VSNL1: variants seen among roughly 807,000 people sequenced by gnomAD.
VSNL1 encodes visinin like 1, also known as visinin-like protein 1.
A neutral mutation model predicts 20.4 loss-of-function variants in VSNL1; 6 were observed. The ratio of observed to expected loss-of-function variants is 0.29; its 90% CI spans 0.16 to 0.58. VSNL1 has a LOEUF of 0.58. Among genes scored for constraint, VSNL1 ranks in the 20% least tolerant of loss-of-function variants. VSNL1 has a pLI of 0.90. For synonymous variants in VSNL1, 93 were observed against 86.4 expected, an observed-to-expected ratio of 1.08 and a Z score of -0.42; for missense variants, 100 against 234.5, an observed-to-expected ratio of 0.43 and a Z score of 3.75.
At chr2:17,629,838 C>T (rs2103410796) in intron 2 of VSNL1, among the ~76,000 whole-genome samples, 1 of 152,338 alleles carries the variant, frequency 6.6e-6, no homozygotes. Flanking sequence ...AATGAAACAG[C>T]TCTCAGCTGA....
chr2:17,580,953 A>G (rs1232528041), intron 1 of VSNL1, among the ~76,000 whole-genome samples: 2 of 152,240 alleles, frequency 1.3e-5, no homozygotes, highest in Non-Finnish European at 2.9e-5. Context: ...TACCACCAGC[A>G]GTTATAATCA....
intron 2 of VSNL1, among the ~76,000 whole-genome samples, chr2:17,625,130 C>T (rs906253965): frequency 3.3e-5 from 5 of 152,206 alleles, no homozygotes; most frequent in African/African-American, 9.6e-5. Flanking sequence ...CTTCCTCATT[C>T]TCTCTTTGCC....
At chr2:17,572,974 C>T (rs1664116513) in intron 1 of VSNL1, among the ~76,000 whole-genome samples, 1 of 152,178 alleles carries the variant, frequency 6.6e-6, no homozygotes, top group African/African-American at 2.4e-5. Flanking sequence ...TTCATCTATT[C>T]AACTGTTAAA....
chr2:17,640,741 A>G (rs1200432954), intron 2 of VSNL1, among the ~76,000 whole-genome samples: 2 of 152,188 alleles, frequency 1.3e-5, no homozygotes, highest in Non-Finnish European at 2.9e-5. Context: ...TTTGTGGGAT[A>G]CAGATGATAT....
chr2:17,543,828 T>TG (rs1177911990), intron 1 of VSNL1, among the ~76,000 whole-genome samples: 3 of 152,242 alleles, frequency 2.0e-5, no homozygotes, highest in Non-Finnish European at 2.9e-5. Context: ...ACCTTCCTCC[T>TG]GTTTTTTCTC....
chr2:17,605,292 C>A (rs62132140), intron 2 of VSNL1, among the ~76,000 whole-genome samples: 8,146 of 152,282 alleles, frequency 0.053, 254 homozygotes, highest in East Asian at 0.091. Context: ...GGGGACTATG[C>A]CCCCTTGGTG....
intron 2 of VSNL1, among the ~76,000 whole-genome samples, chr2:17,623,161 CA>C (rs1665425784): frequency 6.6e-6 from 1 of 151,872 alleles, no homozygotes; most frequent in South Asian, 2.1e-4. Context: ...ATAATTATAT[CA>C]ATATCTTAAA....
At chr2:17,559,901 C>T (rs1029301931) in intron 1 of VSNL1, among the ~76,000 whole-genome samples, 1 of 151,876 alleles carries the variant, frequency 6.6e-6, no homozygotes, top group East Asian at 1.9e-4. Context: ...ATTAAACTGA[C>T]ATCTTTTGCT....
intron 2 of VSNL1, among the ~76,000 whole-genome samples, chr2:17,603,693 G>T (rs1464146191): frequency 1.3e-5 from 2 of 152,186 alleles, no homozygotes; most frequent in Non-Finnish European, 2.9e-5. Flanking sequence ...TATACAAGGC[G>T]ATCAGATGGT....
At chr2:17,653,564 T>A (rs1558313661) in intron 3 of VSNL1, among the ~76,000 whole-genome samples, 1 of 152,250 alleles carries the variant, frequency 6.6e-6, no homozygotes, top group Non-Finnish European at 1.5e-5. Flanking sequence ...TCGGAAAGTC[T>A]GCCTCTTTTA....
At chr2:17,632,106 C>T (rs1052835085) in intron 2 of VSNL1, among the ~76,000 whole-genome samples, 2 of 152,056 alleles carry the variant, frequency 1.3e-5, no homozygotes, top group Non-Finnish European at 2.9e-5. Context: ...AGGCTGGTCT[C>T]GAACTCCTCA....
chr2:17,621,760 T>G (rs1665365800), intron 2 of VSNL1, among the ~76,000 whole-genome samples: 1 of 152,222 alleles, frequency 6.6e-6, no homozygotes, highest in Non-Finnish European at 1.5e-5. Context: ...TCTGGGTAGC[T>G]GGGATTATAG....
intron 2 of VSNL1, among the ~76,000 whole-genome samples, chr2:17,602,009 CA>C (rs894141153): frequency 1.5e-4 from 23 of 152,182 alleles, no homozygotes; most frequent in African/African-American, 5.3e-4. Flanking sequence ...CATGCAAAAT[CA>C]TGTCTGGATT....
chr2:17,558,907 T>C (rs1350719868), intron 1 of VSNL1, among the ~76,000 whole-genome samples: 2 of 152,130 alleles, frequency 1.3e-5, no homozygotes, highest in African/African-American at 2.4e-5. Flanking sequence ...TGATCCCAGA[T>C]AACAATGGCT....
chr2:17,596,395 C>T (rs1301856814), intron 2 of VSNL1, among the ~76,000 whole-genome samples: 1 of 152,216 alleles, frequency 6.6e-6, no homozygotes, highest in Non-Finnish European at 1.5e-5. Context: ...ATTTTGATTG[C>T]CAATCCATCA....
chr2:17,600,192 A>G (rs1373664401), intron 2 of VSNL1, among the ~76,000 whole-genome samples: 4 of 152,234 alleles, frequency 2.6e-5, no homozygotes, highest in African/African-American at 9.6e-5. Flanking sequence ...AATATGGGAA[A>G]GTCCTTTATG....
chr2:17,638,340 TAGTA>T (rs1344343757), intron 2 of VSNL1, among the ~76,000 whole-genome samples: 1 of 152,236 alleles, frequency 6.6e-6, no homozygotes, highest in Non-Finnish European at 1.5e-5. Context: ...GCCTGACACA[TAGTA>T]AGTGTTACAA....
At chr2:17,564,696 AT>A (rs1210410743) in intron 1 of VSNL1, among the ~76,000 whole-genome samples, 2 of 152,154 alleles carry the variant, frequency 1.3e-5, no homozygotes, top group Non-Finnish European at 2.9e-5. Flanking sequence ...TTATAAAATT[AT>A]TTTTTAAAAC....
chr2:17,593,958 A>C (rs756811902), intron 2 of VSNL1, among the ~76,000 whole-genome samples: 34 of 152,244 alleles, frequency 2.2e-4, no homozygotes, highest in Admixed American at 3.3e-4. Flanking sequence ...CTTTCATATC[A>C]CTAAAGGCCA....
Sources: allele counts gnomAD v4.1 joint callset (sites outside exome capture counted in the v4.1 genomes callset), GRCh38; gene constraint gnomAD v4.1.1; transcripts MANE v1.5; gene names NCBI Gene and HGNC (gene_info 2026-07-23, HGNC 2026-07-21).